Variants in ZNF469 observed in about 807,000 individuals in gnomAD.
ZNF469 encodes the protein zinc finger protein 469.
In ZNF469, 1 loss-of-function variant was observed where a neutral mutation model predicts 1.0. The ratio of observed to expected loss-of-function variants is 1.00; its 90% CI spans 0.35 to 4.73. The LOEUF (loss-of-function observed/expected upper bound fraction) is 4.73, where lower values mean the gene tolerates loss of function less well. Among genes scored for constraint, ZNF469 ranks in the 30% most tolerant of loss-of-function variants. The probability of loss-of-function intolerance (pLI) is 0.16; values close to 1 mark genes in which losing one functional copy is unlikely to be tolerated. For synonymous variants in ZNF469, 2,703 were observed against 2,363.4 expected (o/e 1.14, Z -4.17); for missense variants, 6,100 against 5,356.3 (o/e 1.14, Z -4.33).
the ZNF469 span, among the ~76,000 whole-genome samples, chr16:88,260,277 C>G: frequency 4.6e-5 from 7 of 152,194 alleles, no homozygotes; most frequent in African/African-American, 1.7e-4. The surrounding 1 kb of genome is among the most constrained non-coding windows in gnomAD (Gnocchi z 4.1). Flanking sequence ...GCGCGAGCCA[C>G]CGTGCCCAGC....
At chr16:88,251,698 A>G in the ZNF469 span, among the ~76,000 whole-genome samples, 1 of 151,458 alleles carries the variant, frequency 6.6e-6, no homozygotes, top group African/African-American at 2.4e-5. Flanking sequence ...AGCTGGGACT[A>G]TCAGTGCATA....
intron 1 of ZNF469, among the ~76,000 whole-genome samples, chr16:88,422,281 AATGG>A (rs149579956): frequency 2.5e-5 from 3 of 121,790 alleles, no homozygotes; most frequent in African/African-American, 1.0e-4. Context: ...ATAGGTGGGT[AATGG>A]ATGGATGGAT....
the ZNF469 span, among the ~76,000 whole-genome samples, chr16:88,250,550 T>C: frequency 2.0e-5 from 3 of 152,218 alleles, no homozygotes; most frequent in Non-Finnish European, 4.4e-5. Flanking sequence ...TTATGTCATT[T>C]CTTCACGTAT....
In ZNF469 at chr16:88,427,818, C is replaced by T. The variant is rs1289045925; in HGVS notation, c.348C>T (p.Pro116=). 3 of 1,548,368 alleles carry T rather than the reference C, an allele frequency of 1.9e-6. No homozygotes were observed. Among genetic ancestry groups the T allele is most frequent in the African/African-American group, 1.4e-5 (1 of 73,014 alleles). The change falls in exon 3 of 3, where the codon CCC becomes CCT. Residue 116 remains proline, a synonymous_variant. Coordinates refer to ENST00000565624, the MANE Select transcript of ZNF469 (RefSeq NM_001367624.2). ...TGGCGGGCAGGGCAGAGGGCAGCCCCCCACAGCGCTACATTCTGGGCATCG... is the reference window on the plus strand; with the variant it reads ...TGGCGGGCAGGGCAGAGGGCAGCCCTCCACAGCGCTACATTCTGGGCATCG... ...SRLAGRAEGS[P]PQRYILGIAS... is the part of the protein sequence containing the mutation.
the ZNF469 span, among the ~76,000 whole-genome samples, chr16:88,358,364 G>A: frequency 2.0e-5 from 3 of 152,164 alleles, no homozygotes; most frequent in Admixed American, 6.5e-5. Flanking sequence ...GTGTCATGAT[G>A]CGAGACCTCT....
the ZNF469 span, among the ~76,000 whole-genome samples, chr16:88,366,689 T>TCATCATCATCACCATCAC: frequency 2.0e-5 from 3 of 149,906 alleles, no homozygotes; most frequent in Non-Finnish European, 4.4e-5. Flanking sequence ...ACCATCACCA[T>TCATCATCATCACCATCAC]CATCATCATC....
chr16:88,369,819 C>T, the ZNF469 span, among the ~76,000 whole-genome samples: 1 of 152,220 alleles, frequency 6.6e-6, no homozygotes, highest in African/African-American at 2.4e-5. Context: ...CCCCGCGACC[C>T]CCAGCCCCAG....
chr16:88,393,435 C>T (rs898342441), intron 1 of ZNF469, among the ~76,000 whole-genome samples: 2 of 152,216 alleles, frequency 1.3e-5, no homozygotes, highest in African/African-American at 2.4e-5. Context: ...TATGCCGGAC[C>T]GGTGCCTGGG....
the ZNF469 span, among the ~76,000 whole-genome samples, chr16:88,209,752 C>T: frequency 5.3e-5 from 8 of 152,170 alleles, no homozygotes. Flanking sequence ...TTCTTTTTTA[C>T]AGCTGCATAG....
the ZNF469 span, among the ~76,000 whole-genome samples, chr16:88,275,701 G>C: frequency 4.0e-3 from 610 of 152,314 alleles, 2 homozygotes; most frequent in African/African-American, 0.014. Flanking sequence ...ACCGGTGTTT[G>C]TCACGAGCCT....
At chr16:88,201,704 G>T in the ZNF469 span, among the ~76,000 whole-genome samples, 48 of 152,312 alleles carry the variant, frequency 3.2e-4, no homozygotes, top group African/African-American at 9.6e-4. The surrounding 1 kb of genome is among the most constrained non-coding windows in gnomAD (Gnocchi z 5.0). Flanking sequence ...GGGTCTCCGG[G>T]TGTCCCTGCA....
chr16:88,151,094 G>T, the ZNF469 span, among the ~76,000 whole-genome samples: 3 of 152,380 alleles, frequency 2.0e-5, no homozygotes, highest in Middle Eastern at 3.4e-3. The surrounding 1 kb of genome is among the most constrained non-coding windows in gnomAD (Gnocchi z 5.4). Context: ...CCCACAGGGG[G>T]CAGCTTTCTG....
the ZNF469 span, among the ~76,000 whole-genome samples, chr16:88,134,203 T>A: frequency 2.4e-3 from 371 of 152,362 alleles, 6 homozygotes; most frequent in African/African-American, 8.4e-3. Context: ...TGGGCTGCCC[T>A]TGGCATTTAG....
the ZNF469 span, among the ~76,000 whole-genome samples, chr16:88,214,195 G>A: frequency 6.6e-6 from 1 of 152,172 alleles, no homozygotes; most frequent in South Asian, 2.1e-4. Context: ...TCCATAAAGA[G>A]GATAGGATAC....
At chr16:88,373,264 T>C in the ZNF469 span, among the ~76,000 whole-genome samples, 1 of 152,242 alleles carries the variant, frequency 6.6e-6, no homozygotes, top group Non-Finnish European at 1.5e-5. Flanking sequence ...ACAGTCACCC[T>C]GTGCCAGGGA....
chr16:88,253,367 GT>G, the ZNF469 span, among the ~76,000 whole-genome samples: 1 of 152,030 alleles, frequency 6.6e-6, no homozygotes, highest in Non-Finnish European at 1.5e-5. Flanking sequence ...GGCTTGTCTT[GT>G]TTTTTCCTTT....
At chr16:88,262,943 G>A in the ZNF469 span, among the ~76,000 whole-genome samples, 1 of 152,366 alleles carries the variant, frequency 6.6e-6, no homozygotes, top group South Asian at 2.1e-4. This position sits in a 1 kb window ranked among gnomAD's most constrained non-coding sequence, Gnocchi z 4.3. Context: ...GGCTTGAGTG[G>A]GGCTGGGCTC....
At chr16:88,275,314 G>A in the ZNF469 span, among the ~76,000 whole-genome samples, 10 of 152,134 alleles carry the variant, frequency 6.6e-5, no homozygotes, top group Non-Finnish European at 8.8e-5. Flanking sequence ...CCCAGCCTCC[G>A]GTGCTCTGCA....
In ZNF469 at chr16:88,432,011, AT is replaced by A; in HGVS notation, c.4545del (p.Pro1516LeufsTer39). ...GAAGTATCCCCGATGCTGCCTAGCC[AT>A]TTTCCTGATCTCTCGGGGGGAAAGG... ...LEEVSPMLPS[H>X]FPDLSGGKVL... On this transcript the variant is annotated frameshift_variant, in exon 3 of 3. Coordinates refer to ENST00000565624, the MANE Select transcript of ZNF469 (RefSeq NM_001367624.2). LOFTEE classifies it low-confidence loss of function (END_TRUNC). 6.5e-7 allele frequency: 1 copy of A among 1,548,522 alleles called. No homozygotes were observed.
Sources: allele counts gnomAD v4.1 joint callset (sites outside exome capture counted in the v4.1 genomes callset), GRCh38; gene constraint gnomAD v4.1.1; non-coding constraint Gnocchi (gnomAD v3.1); transcripts MANE v1.5; gene names NCBI Gene and HGNC (gene_info 2026-07-23, HGNC 2026-07-21).